The following NVL variants were observed in gnomAD, a reference collection of about 807,000 sequenced individuals.
NVL encodes nuclear valosin-containing protein-like.
Under a neutral mutation model 110.2 loss-of-function variants are expected in NVL, and 84 were observed. The observed-to-expected ratio is 0.76, with a 90% confidence interval of 0.64 to 0.91. The LOEUF (loss-of-function observed/expected upper bound fraction) is 0.91, where lower values mean the gene tolerates loss of function less well. Among genes scored for constraint, NVL ranks in the 40% least tolerant of loss-of-function variants. NVL has a pLI of 0.00. For missense variants in NVL, 882 were observed against 1,035.9 expected (o/e 0.85, Z 2.04); for synonymous variants, 354 against 361.1 (o/e 0.98, Z 0.22).
intron 9 of NVL, chr1:224,301,657 AGGCATGCT>A: frequency 2.9e-6 from 1 of 346,210 alleles, no homozygotes. Flanking sequence ...TAAATTAGCC[AGGCATGCT>A]GATGCATGCC....
intron 18 of NVL, among the ~76,000 whole-genome samples, chr1:224,250,855 C>T (rs12087515): frequency 0.47 from 71,169 of 151,900 alleles, 16,748 homozygotes; most frequent in Admixed American, 0.52. Context: ...CAGGATTTCG[C>T]TATGTTGCCC....
Position 224,317,865 on chromosome 1 carries a change from C to T in NVL, c.184+13G>A, listed in dbSNP as rs376419624. 3 of 1,089,850 alleles carry T rather than the reference C, an allele frequency of 2.8e-6. No homozygotes were observed. Among genetic ancestry groups the T allele is most frequent in the South Asian group, 1.3e-5 (1 of 75,376 alleles). The allele number at this position is 1,089,850 out of a possible 1,614,324, so 67.5% of individuals were successfully genotyped here. On this transcript the variant is annotated intron_variant, in intron 3 of 22. Coordinates refer to ENST00000281701, the MANE Select transcript of NVL (RefSeq NM_002533.4). ...AACTTTATTGATAATTTAGCTCTAA[C>T]AATAAGACTCACCTTTTTCTACCTG... is the stretch of plus-strand genomic sequence containing the variant.
At chr1:224,264,402 C>T (rs1558274661) in intron 18 of NVL, among the ~76,000 whole-genome samples, 1 of 151,728 alleles carries the variant, frequency 6.6e-6, no homozygotes, top group Non-Finnish European at 1.5e-5. Flanking sequence ...CGCCCACCAC[C>T]ACGCCCAATT....
chr1:224,301,273 C>A (rs1408351815), intron 9 of NVL, among the ~76,000 whole-genome samples: 1 of 152,060 alleles, frequency 6.6e-6, no homozygotes, highest in African/African-American at 2.4e-5. Context: ...CAAAGCAATT[C>A]TTCGTTTTTT....
chr1:224,272,215 C>T (rs1324943522), intron 17 of NVL, among the ~76,000 whole-genome samples: 19 of 143,026 alleles, frequency 1.3e-4, no homozygotes, highest in African/African-American at 5.0e-4. Context: ...CATGGTGGCA[C>T]ACACCTGTAG....
intron 16 of NVL, 63 bp downstream of exon 16, chr1:224,281,060 C>A: frequency 7.2e-7 from 1 of 1,383,322 alleles, no homozygotes; most frequent in Non-Finnish European, 1.0e-6. Context: ...ACATTTTACC[C>A]CGTAATTTGC....
intron 18 of NVL, among the ~76,000 whole-genome samples, chr1:224,262,089 A>G (rs1355674562): frequency 1.3e-5 from 2 of 152,162 alleles, no homozygotes; most frequent in African/African-American, 2.4e-5. Context: ...AATAATTGGG[A>G]AAAAAATTAA....
At chr1:224,276,459 G>A (rs1665767917) in intron 16 of NVL, among the ~76,000 whole-genome samples, 1 of 151,938 alleles carries the variant, frequency 6.6e-6, no homozygotes, top group Non-Finnish European at 1.5e-5. Flanking sequence ...GGCTGGTCTC[G>A]AACTCCTGAA....
intron 22 of NVL, 32 bp from the exon 23 acceptor site, chr1:224,227,702 C>T: frequency 6.3e-7 from 1 of 1,598,826 alleles, no homozygotes; most frequent in Non-Finnish European, 8.5e-7. Context: ...AATACAGAGA[C>T]CGTCACTGCT....
intron 19 of NVL, among the ~76,000 whole-genome samples, chr1:224,246,774 G>A (rs1212135372): frequency 1.3e-5 from 2 of 152,122 alleles, no homozygotes; most frequent in Non-Finnish European, 2.9e-5. Flanking sequence ...GGTGGCTCAC[G>A]CCTGTAATCC....
chr1:224,268,158 A>G (rs1664685630), intron 17 of NVL, 25 bp from the exon 18 acceptor site: 1 of 1,526,096 alleles, frequency 6.6e-7, no homozygotes, highest in Non-Finnish European at 9.1e-7. Flanking sequence ...ATCTGGTTCC[A>G]TCAGCTCTCA....
chr1:224,302,569 A>G (rs1011722486), intron 9 of NVL, among the ~76,000 whole-genome samples: 12 of 152,322 alleles, frequency 7.9e-5, no homozygotes, highest in African/African-American at 2.6e-4. Context: ...TTTCTGAAAA[A>G]TCTGAGAGGG....
At chr1:224,294,504 T>C in intron 11 of NVL, 93 bp from the exon 12 acceptor site, 2 of 1,376,670 alleles carry the variant, frequency 1.5e-6, no homozygotes, top group East Asian at 2.3e-5. Context: ...AGATAAAGTA[T>C]TACAGATTTT....
At chr1:224,234,675 A>T (rs767229467) in intron 20 of NVL, among the ~76,000 whole-genome samples, 11 of 152,144 alleles carry the variant, frequency 7.2e-5, no homozygotes, top group Non-Finnish European at 1.6e-4. Context: ...TAATAATCAC[A>T]TACCTGCTGG....
chr1:224,238,794 T>G (rs776324506), intron 19 of NVL, among the ~76,000 whole-genome samples: 1 of 152,044 alleles, frequency 6.6e-6, no homozygotes, highest in Non-Finnish European at 1.5e-5. Context: ...AAGGGCAGCT[T>G]TTGTCGGTGT....
At chr1:224,256,164 C>G (rs1484776952) in intron 18 of NVL, among the ~76,000 whole-genome samples, 1 of 152,116 alleles carries the variant, frequency 6.6e-6, no homozygotes, top group Non-Finnish European at 1.5e-5. Flanking sequence ...GTGGCTCATG[C>G]CTGTAATCCC....
At chr1:224,229,223 G>C (rs1659582733) in intron 22 of NVL, among the ~76,000 whole-genome samples, 1 of 151,806 alleles carries the variant, frequency 6.6e-6, no homozygotes, top group African/African-American at 2.4e-5. Flanking sequence ...TTGAACTCAG[G>C]AGGCAGAGGT....
rs778495138 is a variant in NVL, at chr1:224,286,163, C to T, written c.1795-33G>A. ...TAATGATACAAACGGCGATCCATTA[C>T]ATGTCCATTTTATACTGCAGGTTCA... On this transcript the variant is annotated intron_variant, in intron 14 of 22. Coordinates refer to ENST00000281701, the MANE Select transcript of NVL (RefSeq NM_002533.4). The T allele has an allele frequency of 2.1e-5, 31 of 1,458,498 alleles. No individual in the cohort carries two copies. In the Admixed American group the frequency reaches 3.2e-4, roughly 15 times the overall value. The allele number at this position is 1,458,498 out of a possible 1,614,324, so 90.3% of individuals were successfully genotyped here.
At chr1:224,300,276 T>A (rs1018748995) in intron 10 of NVL, among the ~76,000 whole-genome samples, 1 of 152,202 alleles carries the variant, frequency 6.6e-6, no homozygotes, top group Admixed American at 6.5e-5. Flanking sequence ...GAAAATATCA[T>A]AAGGATAATA....
Sources: allele counts gnomAD v4.1 joint callset (sites outside exome capture counted in the v4.1 genomes callset), GRCh38; gene constraint gnomAD v4.1.1; transcripts MANE v1.5; gene names NCBI Gene and HGNC (gene_info 2026-07-23, HGNC 2026-07-21).